RNLS: variants seen among roughly 807,000 people sequenced by gnomAD.
RNLS encodes renalase.
In RNLS, 39 loss-of-function variants were observed where a neutral mutation model predicts 39.8. The ratio of observed to expected loss-of-function variants is 0.98; its 90% CI spans 0.76 to 1.28. The LOEUF (loss-of-function observed/expected upper bound fraction) is 1.28, where lower values mean the gene tolerates loss of function less well. Among genes scored for constraint, RNLS ranks in the 50% most tolerant of loss-of-function variants. The pLI is 0.00. For missense variants in RNLS, 410 were observed against 413.3 expected (o/e 0.99, Z 0.07); for synonymous variants, 147 against 150.7 (o/e 0.98, Z 0.18).
chr10:88,440,212 C>T (rs1048559897), intron 4 of RNLS, among the ~76,000 whole-genome samples: 12 of 152,146 alleles, frequency 7.9e-5, no homozygotes, highest in African/African-American at 2.9e-4. Context: ...GTCCTCTTGA[C>T]ATCTTAACAA....
In RNLS at chr10:88,284,592, A is replaced by G. The variant is rs1451984778; in HGVS notation, c.*762T>C. ...TGCCACAGCACATACTGGAGAACCC[A>G]TAAAGTAACAGCAACAGCTATAAAA... On this transcript the variant is annotated 3_prime_UTR_variant, in exon 7 of 7. Coordinates refer to ENST00000331772, the MANE Select transcript of RNLS (RefSeq NM_001031709.3). 1 of 985,164 alleles carries G rather than the reference A, an allele frequency of 1.0e-6. No homozygotes were observed. 61.0% of individuals were successfully genotyped at this position (985,164 alleles called of 1,614,324 possible).
chr10:88,373,594 T>C (rs1244545519), intron 4 of RNLS, among the ~76,000 whole-genome samples: 1 of 152,146 alleles, frequency 6.6e-6, no homozygotes, highest in African/African-American at 2.4e-5. Flanking sequence ...CAGCCTACCA[T>C]TTCTTTGCAA....
chr10:88,404,362 T>C (rs1589736326), intron 4 of RNLS, among the ~76,000 whole-genome samples: 1 of 152,222 alleles, frequency 6.6e-6, no homozygotes, highest in African/African-American at 2.4e-5. Flanking sequence ...TGTTTCATCA[T>C]CTGGATAATG....
At position 88,559,270 on chromosome 10, in the gene RNLS, G is replaced by T. The variant is rs142162574; in HGVS notation, c.526+13633C>A. On this transcript the variant is annotated intron_variant, in intron 4 of 6. Transcript: ENST00000331772. ...CGTGTCAGTTTAAGCATATGTTAAG[G>T]TTAACAGCCTTTAGAACAACATTTC... is the stretch of plus-strand genomic sequence containing the variant. Among the ~76,000 whole-genome samples the T allele has an allele frequency of 9.3e-3, 1,420 of 152,208 alleles. 22 individuals carry two copies. The highest frequency in any genetic ancestry group is 0.032 in the African/African-American group (1,334 of 41,536).
chr10:88,204,294 G>A, the RNLS span, among the ~76,000 whole-genome samples: 29 of 152,112 alleles, frequency 1.9e-4, no homozygotes, highest in African/African-American at 3.6e-4. Context: ...GATAAGCGTC[G>A]TTCAAATGTC....
chr10:88,467,528 G>T (rs908772781), intron 4 of RNLS, among the ~76,000 whole-genome samples: 3 of 152,082 alleles, frequency 2.0e-5, no homozygotes, highest in Non-Finnish European at 4.4e-5. Flanking sequence ...TTTTCCAAAA[G>T]CACACCTGGT....
the RNLS span, among the ~76,000 whole-genome samples, chr10:88,181,911 G>C: frequency 6.6e-6 from 1 of 152,142 alleles, no homozygotes; most frequent in Non-Finnish European, 1.5e-5. Context: ...CAACTCAAGA[G>C]CTGCTTGAAG....
At chr10:88,581,292 G>GTATATATATATATA (rs1362971821) in intron 3 of RNLS, among the ~76,000 whole-genome samples, 28 of 122,020 alleles carry the variant, frequency 2.3e-4, no homozygotes, top group Admixed American at 1.2e-3. Context: ...GTGTGTGTGT[G>GTATATATATATATA]TGTATATATA....
At chr10:88,462,937 G>T (rs576616077) in intron 4 of RNLS, among the ~76,000 whole-genome samples, 1 of 151,930 alleles carries the variant, frequency 6.6e-6, no homozygotes, top group African/African-American at 2.4e-5. Context: ...TGAATTATAG[G>T]GACTTTATTT....
chr10:88,312,017 A>G (rs543546559), intron 6 of RNLS, among the ~76,000 whole-genome samples: 1 of 152,268 alleles, frequency 6.6e-6, no homozygotes, highest in East Asian at 1.9e-4. Context: ...CATCAAGGGG[A>G]TCCATCAAGG....
chr10:88,310,892 A>G (rs926565901), intron 6 of RNLS, among the ~76,000 whole-genome samples: 1 of 151,354 alleles, frequency 6.6e-6, no homozygotes, highest in East Asian at 2.0e-4. Flanking sequence ...GTGAAGATAT[A>G]TAACTACAGA....
At chr10:88,476,335 C>A (rs561175189) in intron 4 of RNLS, among the ~76,000 whole-genome samples, 4 of 152,192 alleles carry the variant, frequency 2.6e-5, no homozygotes, top group Admixed American at 6.5e-5. Flanking sequence ...ATGACAATAG[C>A]AAATTACTAC....
rs534239751 is a variant in RNLS, at chr10:88,380,402, G to GTC, written c.527-17679_527-17678dup. Among the ~76,000 whole-genome samples, 214 of 120,572 alleles carry GTC rather than the reference G, an allele frequency of 1.8e-3. 4 individuals are homozygous for GTC. The highest frequency in any genetic ancestry group is 6.3e-3 in the African/African-American group (199 of 31,442). The allele number at this position is 120,572 out of a possible 152,430, so 79.1% of individuals were successfully genotyped here. A position where few individuals can be genotyped will look rare whatever the true frequency, so the allele number is the denominator to read the frequency against. On this transcript the variant is annotated intron_variant, in intron 4 of 6. Transcript: ENST00000331772. ...TTTTTTTTTTTTTTGAGACGACGGAGTCTCTCTCTGTCACCCAGGCTGGAG... is the reference window on the plus strand; with the variant it reads ...TTTTTTTTTTTTTTGAGACGACGGAGTCTCTCTCTCTGTCACCCAGGCTGGAG...
chr10:88,486,066 C>A (rs1471099683), intron 4 of RNLS, among the ~76,000 whole-genome samples: 1 of 151,848 alleles, frequency 6.6e-6, no homozygotes, highest in Non-Finnish European at 1.5e-5. Flanking sequence ...AGTTGCAAAG[C>A]ATACATCTAA....
intron 5 of RNLS, among the ~76,000 whole-genome samples, chr10:88,326,828 C>A (rs1564697301): frequency 6.6e-6 from 1 of 152,208 alleles, no homozygotes; most frequent in Non-Finnish European, 1.5e-5. Context: ...AGGGCTGTAT[C>A]TTGCAAAACC....
chr10:88,561,228 G>A lies in RNLS; in HGVS notation c.526+11675C>T, dbSNP rs571016005. On this transcript the variant is annotated intron_variant, in intron 4 of 6. Transcript: ENST00000331772. The stretch of plus-strand genomic sequence containing the variant: ...TAGACATGGAGTTCAACATAGAGAC[G>A]TTGAGGGCAGTTCTGGGAAAAAATA... Among the ~76,000 whole-genome samples the A allele has an allele frequency of 1.6e-4, 24 of 152,280 alleles. 1 individual carries two copies. Among genetic ancestry groups the A allele is most frequent in the African/African-American group, 5.5e-4 (23 of 41,550 alleles).
At chr10:88,352,631 T>C (rs1018890395) in intron 5 of RNLS, among the ~76,000 whole-genome samples, 4 of 152,358 alleles carry the variant, frequency 2.6e-5, no homozygotes, top group East Asian at 1.9e-4. Context: ...TTTGCATCGA[T>C]GTTCATCAGG....
At chr10:88,354,815 A>C (rs1453186382) in intron 5 of RNLS, among the ~76,000 whole-genome samples, 1 of 152,230 alleles carries the variant, frequency 6.6e-6, no homozygotes, top group African/African-American at 2.4e-5. Context: ...GTGTTTTCCA[A>C]GTTGGTTCCA....
chr10:88,353,185 A>G (rs562350479), intron 5 of RNLS, among the ~76,000 whole-genome samples: 1 of 151,956 alleles, frequency 6.6e-6, no homozygotes, highest in East Asian at 1.9e-4. Context: ...AAGGGTTTTA[A>G]TAACTCTATC....
Sources: allele counts gnomAD v4.1 joint callset (sites outside exome capture counted in the v4.1 genomes callset), GRCh38; gene constraint gnomAD v4.1.1; transcripts MANE v1.5; gene names NCBI Gene and HGNC (gene_info 2026-07-23, HGNC 2026-07-21).